Variants in PRPF8 observed in about 807,000 individuals in gnomAD.
PRPF8 encodes pre-mRNA-processing-splicing factor 8.
In PRPF8, 64 loss-of-function variants were observed where a neutral mutation model predicts 285.9. The ratio of observed to expected loss-of-function variants is 0.22; its 90% CI spans 0.18 to 0.28. The LOEUF (loss-of-function observed/expected upper bound fraction) is 0.28, where lower values mean the gene tolerates loss of function less well. Ranked by LOEUF, PRPF8 falls within the 10% of genes least tolerant of loss-of-function variation. The pLI is 1.00. For missense variants in PRPF8, 1,426 were observed against 3,026.7 expected (o/e 0.47, Z 12.41); for synonymous variants, 1,325 against 1,118.2 (o/e 1.18, Z -3.69).
In PRPF8 at chr17:1,673,672, G is replaced by A. The variant is rs1912449183; in HGVS notation, c.3446+74C>T. The A allele has an allele frequency of 8.7e-6, 14 of 1,611,222 alleles. No individual in the cohort carries two copies. Among genetic ancestry groups the A allele is most frequent in the South Asian group, 7.7e-5 (7 of 91,002 alleles). On this transcript the variant is annotated intron_variant, in intron 22 of 42. Coordinates refer to ENST00000304992, the MANE Select transcript of PRPF8 (RefSeq NM_006445.4). The surrounding 1 kb of genome is among the most constrained non-coding windows in gnomAD (Gnocchi z 5.5). ...CAGCCACGCCTCTCCCACCCAGGAC[G>A]CAGCCTCAGGTATGCCCTCTCTGGG...
rs1911510693 is a variant in PRPF8, at chr17:1,658,476, C to T, written c.5376+50G>A. ...TGTACACACTTAGCCCATTACTCTC[C>T]CACAGCCATGTACAGAGTCCCGCAC... On this transcript the variant is annotated intron_variant, in intron 33 of 42. Coordinates refer to ENST00000304992, the MANE Select transcript of PRPF8 (RefSeq NM_006445.4). The surrounding 1 kb of genome is among the most constrained non-coding windows in gnomAD (Gnocchi z 4.1). The T allele has an allele frequency of 6.2e-7, 1 of 1,613,138 alleles. No individual in the cohort carries two copies. The highest frequency in any genetic ancestry group is 1.1e-5 in the South Asian group (1 of 91,050).
rs1912424711 is a variant in PRPF8, at chr17:1,673,260, G to GCCCACCACTCAAGTCTTTCCA, written c.3657+76_3658-64dup. ...TCCCACAGAAGCAAGAGCCAACTGT[G>GCCCACCACTCAAGTCTTTCCA]CCCACCACTCAAGTCTTTCCACCCA... On this transcript the variant is annotated intron_variant, in intron 23 of 42. Transcript: ENST00000304992. The surrounding 1 kb of genome is among the most constrained non-coding windows in gnomAD (Gnocchi z 5.5). The GCCCACCACTCAAGTCTTTCCA allele has an allele frequency of 6.2e-7, 1 of 1,604,214 alleles. No homozygotes were observed. Among genetic ancestry groups the GCCCACCACTCAAGTCTTTCCA allele is most frequent in the African/African-American group, 1.3e-5 (1 of 74,824 alleles).
intron 14 of PRPF8, 142 bp downstream of exon 14, chr17:1,677,423 T>C: frequency 1.6e-6 from 2 of 1,278,706 alleles, no homozygotes; most frequent in Non-Finnish European, 2.3e-6. Flanking sequence ...AATAGAATAC[T>C]AGGTCAGACT....
chr17:1,683,818 G>T, intron 2 of PRPF8, 117 bp from the exon 3 acceptor site: 1 of 1,204,562 alleles, frequency 8.3e-7, no homozygotes, highest in South Asian at 1.3e-5. Flanking sequence ...CCAGCAGGAA[G>T]AAGCACCCCT....
rs773846903 is a variant in PRPF8, at chr17:1,677,309, G to A, written c.1985-137C>T. 173 of 1,019,862 alleles carry A rather than the reference G, an allele frequency of 1.7e-4. 1 individual carries two copies. The highest frequency in any genetic ancestry group is 2.4e-4 in the Non-Finnish European group (157 of 665,336). The allele number at this position is 1,019,862 out of a possible 1,614,324, so 63.2% of individuals were successfully genotyped here. On this transcript the variant is annotated intron_variant, in intron 14 of 42. Coordinates refer to ENST00000304992, the MANE Select transcript of PRPF8 (RefSeq NM_006445.4). Reference sequence around the variant, plus strand: ...CAAAGCGTCCCTGTGCCCAGCATATGCAAAAAGACGAGCTACCTTAAACAT... The same window carrying A: ...CAAAGCGTCCCTGTGCCCAGCATATACAAAAAGACGAGCTACCTTAAACAT...
Position 1,653,823 on chromosome 17 carries a change from T to C in PRPF8, c.6181A>G (p.Asn2061Asp), listed in dbSNP as rs769849980. Residue 2061 changes from asparagine to aspartate, a missense_variant, in exon 38 of 43, where the codon AAC becomes GAC. By Grantham distance (23) the Asn-to-Asp change is conservative. Transcript: ENST00000304992. This position sits in a 1 kb window ranked among gnomAD's most constrained non-coding sequence, Gnocchi z 4.9. ...GDEIITSTTS[N>D]YETQTFSSKT... ...GATGAGAAAGTCTGGGTCTCATAGT[T>C]GCTGGTGGTGGAGGTGATGATCTCA... 6.2e-7 allele frequency: 1 copy of C among 1,614,162 alleles called. No homozygotes were observed. Among genetic ancestry groups the C allele is most frequent in the Non-Finnish European group, 8.5e-7 (1 of 1,180,028 alleles).
intron 24 of PRPF8, among the ~76,000 whole-genome samples, chr17:1,671,808 G>A (rs1912335382): frequency 7.2e-6 from 1 of 139,070 alleles, no homozygotes; most frequent in Non-Finnish European, 1.5e-5. Flanking sequence ...CCAAGACTGC[G>A]CCACTGCACT....
At chr17:1,655,287 T>C (rs189672851) in intron 37 of PRPF8, 63 bp downstream of exon 37, 2 of 1,590,972 alleles carry the variant, frequency 1.3e-6, no homozygotes, top group East Asian at 4.5e-5. Context: ...CCTAAGTGCT[T>C]CCAAAAAACC....
At chr17:1,683,450 C>T in intron 3 of PRPF8, 83 bp downstream of exon 3, 2 of 1,473,822 alleles carry the variant, frequency 1.4e-6, no homozygotes, top group Non-Finnish European at 1.9e-6. Flanking sequence ...GATGAGCTGT[C>T]AAAGCATCAA....
At chr17:1,660,618 A>G in intron 29 of PRPF8, 40 bp from the exon 30 acceptor site, 3 of 1,614,086 alleles carry the variant, frequency 1.9e-6, no homozygotes, top group Non-Finnish European at 2.5e-6. Flanking sequence ...AGATCAAGAG[A>G]CTCGGGCGCT....
Position 1,673,708 on chromosome 17 carries a change from A to G in PRPF8, c.3446+38T>C. 6.2e-7 allele frequency: 1 copy of G among 1,613,382 alleles called. No individual in the cohort carries two copies. Among genetic ancestry groups the G allele is most frequent in the Non-Finnish European group, 8.5e-7 (1 of 1,179,932 alleles). The stretch of plus-strand genomic sequence containing the variant: ...TATGCCCTCTCTGGGCCCTTAGCTT[A>G]TGTCCTTCCAGCTCACACAGCCCCA... On this transcript the variant is annotated intron_variant, in intron 22 of 42. Coordinates refer to ENST00000304992, the MANE Select transcript of PRPF8 (RefSeq NM_006445.4). The surrounding 1 kb of genome is among the most constrained non-coding windows in gnomAD (Gnocchi z 5.5).
rs1177444379 is a variant in PRPF8 at position 1,658,780 on chromosome 17, G to T, written c.5139-17C>A. On this transcript the variant is annotated splice_polypyrimidine_tract_variant and intron_variant, in intron 32 of 42. Coordinates refer to ENST00000304992, the MANE Select transcript of PRPF8 (RefSeq NM_006445.4). This position sits in a 1 kb window ranked among gnomAD's most constrained non-coding sequence, Gnocchi z 4.1. ...CCATAGGCACTGTGAGGATAAAAGG[G>T]TCAAGAAAAGTTAAGACGAGAATGA... 6.2e-7 allele frequency: 1 copy of T among 1,608,436 alleles called. No homozygotes were observed. Among genetic ancestry groups the T allele is most frequent in the African/African-American group, 1.3e-5 (1 of 74,916 alleles).
In PRPF8 at chr17:1,653,746, T is replaced by C; in HGVS notation, c.6227+31A>G. The C allele has an allele frequency of 6.2e-7, 1 of 1,614,152 alleles. No homozygotes were observed. Among genetic ancestry groups the C allele is most frequent in the Non-Finnish European group, 8.5e-7 (1 of 1,180,012 alleles). Reference sequence around the variant, plus strand: ...AGCACCTTAGGTAGTGCAGCCGGCCTTTCCATCCCCACCCTCTTGCCCGAC... The same window carrying C: ...AGCACCTTAGGTAGTGCAGCCGGCCCTTCCATCCCCACCCTCTTGCCCGAC... On this transcript the variant is annotated intron_variant, in intron 38 of 42. Coordinates refer to ENST00000304992, the MANE Select transcript of PRPF8 (RefSeq NM_006445.4). The surrounding 1 kb of genome is among the most constrained non-coding windows in gnomAD (Gnocchi z 4.9).
At chr17:1,660,859 T>A (rs1416456595) in intron 28 of PRPF8, 32 bp from the exon 29 acceptor site, 1 of 1,613,058 alleles carries the variant, frequency 6.2e-7, no homozygotes, top group Non-Finnish European at 8.5e-7. Flanking sequence ...TGAGGTGATA[T>A]CCTGCCATTT....
At chr17:1,671,320 C>T (rs1912304163) in intron 24 of PRPF8, among the ~76,000 whole-genome samples, 1 of 152,174 alleles carries the variant, frequency 6.6e-6, no homozygotes, top group Admixed American at 6.5e-5. Context: ...AAAGCTGAAA[C>T]TTTCTGAGTC....
intron 37 of PRPF8, 73 bp downstream of exon 37, chr17:1,655,277 C>A: frequency 2.6e-6 from 4 of 1,563,244 alleles, no homozygotes; most frequent in Non-Finnish European, 3.5e-6. Flanking sequence ...AACTTCTAAG[C>A]CTAAGTGCTT....
chr17:1,673,847 T>C lies in PRPF8; in HGVS notation c.3345A>G (p.Thr1115=), dbSNP rs1471875139. ...TTTCATTATTGGGGTCAGGGTGCTC[T>C]GTCAGGTAACGTTGAATCAGGTCCC... The part of the protein sequence containing the change: ...EARDLIQRYL[T]EHPDPNNENI... The change falls in exon 22 of 43, where the codon ACA becomes ACG. Residue 1115 remains threonine (T), a synonymous_variant. Coordinates refer to ENST00000304992, the MANE Select transcript of PRPF8 (RefSeq NM_006445.4). The surrounding 1 kb of genome is among the most constrained non-coding windows in gnomAD (Gnocchi z 5.5). 1.9e-5 allele frequency: 30 copies of C among 1,614,096 alleles called. No homozygotes were observed. Among genetic ancestry groups the C allele is most frequent in the Non-Finnish European group, 2.4e-5 (28 of 1,180,034 alleles).
In PRPF8 at chr17:1,679,721, G is replaced by A; in HGVS notation, c.1177C>T (p.Leu393Phe). The change falls in exon 9 of 43, where the codon CTC (leucine) becomes TTC (phenylalanine). Residue 393 changes from leucine (L) to phenylalanine (F), a missense_variant. Coordinates refer to ENST00000304992, the MANE Select transcript of PRPF8 (RefSeq NM_006445.4). The surrounding 1 kb of genome is among the most constrained non-coding windows in gnomAD (Gnocchi z 4.7). The part of the protein sequence containing the change: ...FVEPFLKDTP[L>F]YTDNTANGIA... ...CCATTGGCTGTATTGTCTGTATAGA[G>A]GGGTGTGTCCTTCAGGAAGGGCTCC... 3 of 1,614,172 alleles carry A rather than the reference G, an allele frequency of 1.9e-6. No homozygotes were observed. The highest frequency in any genetic ancestry group is 1.1e-5 in the South Asian group (1 of 91,086).
At chr17:1,684,627 G>A in intron 1 of PRPF8, 45 bp from the exon 2 acceptor site, 2 of 1,581,962 alleles carry the variant, frequency 1.3e-6, no homozygotes. Context: ...ACAGGCCCGG[G>A]CCCACAAGAA....
Sources: allele counts gnomAD v4.1 joint callset (sites outside exome capture counted in the v4.1 genomes callset), GRCh38; gene constraint gnomAD v4.1.1; non-coding constraint Gnocchi (gnomAD v3.1); transcripts MANE v1.5; gene names NCBI Gene and HGNC (gene_info 2026-07-23, HGNC 2026-07-21).